The following ADARB2 variants were observed in gnomAD, a reference collection of about 807,000 sequenced individuals.
The protein encoded by ADARB2 is adenosine deaminase RNA specific B2 (inactive), also known as inactive double-stranded RNA-specific editase B2.
Under a neutral mutation model 62.2 loss-of-function variants are expected in ADARB2, and 25 were observed. That is an observed-to-expected ratio of 0.40 (90% confidence interval 0.29 to 0.56). The LOEUF (loss-of-function observed/expected upper bound fraction) is 0.56, where lower values mean the gene tolerates loss of function less well. Ranked by LOEUF, ADARB2 falls within the 20% of genes least tolerant of loss-of-function variation. The pLI, the probability that ADARB2 is intolerant of heterozygous loss-of-function variation, is 0.43. For missense variants in ADARB2, 1,071 were observed against 1,077.4 expected (o/e 0.99, Z 0.08); for synonymous variants, 572 against 500.8 (o/e 1.14, Z -1.90).
At chr10:1,670,719 C>T (rs937729052) in intron 1 of ADARB2, among the ~76,000 whole-genome samples, 15 of 152,190 alleles carry the variant, frequency 9.9e-5, no homozygotes, top group African/African-American at 3.1e-4. Flanking sequence ...GACTTAAACA[C>T]GTCACGGAGG....
At chr10:1,323,381 G>A (rs1275503442) in intron 3 of ADARB2, among the ~76,000 whole-genome samples, 2 of 151,894 alleles carry the variant, frequency 1.3e-5, no homozygotes, top group Admixed American at 1.3e-4. Flanking sequence ...TGAAATAGAA[G>A]AAATGTCAAT....
At chr10:1,545,410 C>T (rs1588296321) in intron 1 of ADARB2, among the ~76,000 whole-genome samples, 1 of 152,158 alleles carries the variant, frequency 6.6e-6, no homozygotes, top group South Asian at 2.1e-4. Flanking sequence ...ACCATAGATT[C>T]TCTGGGATAT....
intron 7 of ADARB2, among the ~76,000 whole-genome samples, chr10:1,205,108 C>T (rs1461921762): frequency 2.0e-5 from 3 of 152,134 alleles, no homozygotes; most frequent in African/African-American, 4.8e-5. Context: ...CTCCTGAGTC[C>T]GTGAAGTGGA....
At chr10:1,534,711 A>G (rs1459114576) in intron 1 of ADARB2, 1 of 164,366 alleles carries the variant, frequency 6.1e-6, no homozygotes, top group African/African-American at 2.4e-5. Flanking sequence ...CAGCCCCGTC[A>G]CTGAGAGGGA....
chr10:1,593,539 A>G (rs886620310), intron 1 of ADARB2, among the ~76,000 whole-genome samples: 14 of 152,254 alleles, frequency 9.2e-5, no homozygotes, highest in African/African-American at 3.4e-4. Context: ...ACAATTTTTT[A>G]AAATTTAAAT....
intron 1 of ADARB2, among the ~76,000 whole-genome samples, chr10:1,456,148 G>A (rs528651317): frequency 4.6e-5 from 7 of 152,242 alleles, no homozygotes; most frequent in East Asian, 3.9e-4. Flanking sequence ...TCTTTATCTA[G>A]TTTCACCTAG....
chr10:1,303,684 C>A (rs1831597160), intron 3 of ADARB2, among the ~76,000 whole-genome samples: 2 of 152,148 alleles, frequency 1.3e-5, no homozygotes, highest in Admixed American at 6.5e-5. Flanking sequence ...GATCTCTCGG[C>A]AGAAACCCTA....
intron 3 of ADARB2, among the ~76,000 whole-genome samples, chr10:1,318,241 A>C (rs1831759469): frequency 6.6e-6 from 1 of 152,152 alleles, no homozygotes; most frequent in Non-Finnish European, 1.5e-5. Context: ...GTCACAGGTG[A>C]CGGATCCTGT....
intron 1 of ADARB2, among the ~76,000 whole-genome samples, chr10:1,469,011 C>T (rs1159462739): frequency 2.0e-5 from 3 of 152,208 alleles, no homozygotes; most frequent in African/African-American, 4.8e-5. Flanking sequence ...ATTGCTACCA[C>T]GTGTTCTTTC....
intron 1 of ADARB2, among the ~76,000 whole-genome samples, chr10:1,455,501 A>G (rs1415077885): frequency 6.6e-6 from 1 of 152,204 alleles, no homozygotes; most frequent in African/African-American, 2.4e-5. Context: ...AAGATTAAAA[A>G]GAAAACAATT....
chr10:1,396,382 T>C (rs1832613643), intron 1 of ADARB2, among the ~76,000 whole-genome samples: 1 of 152,152 alleles, frequency 6.6e-6, no homozygotes, highest in Admixed American at 6.5e-5. Context: ...TCTGGTGAGT[T>C]TGGGCTATTT....
intron 1 of ADARB2, among the ~76,000 whole-genome samples, chr10:1,645,408 C>T (rs1269304003): frequency 6.6e-6 from 1 of 152,192 alleles, no homozygotes; most frequent in Non-Finnish European, 1.5e-5. Flanking sequence ...CTATGGAACT[C>T]CCACTGCCCC....
intron 6 of ADARB2, among the ~76,000 whole-genome samples, chr10:1,223,027 A>G (rs1038835310): frequency 2.8e-4 from 43 of 152,082 alleles, no homozygotes; most frequent in African/African-American, 1.0e-3. Flanking sequence ...TTTTCACGAT[A>G]TTGATTCTTC....
At chr10:1,652,428 A>C (rs1834122381) in intron 1 of ADARB2, among the ~76,000 whole-genome samples, 1 of 152,032 alleles carries the variant, frequency 6.6e-6, no homozygotes, top group African/African-American at 2.4e-5. Flanking sequence ...TCCTCCCGGG[A>C]GCATCCCACT....
chr10:1,207,587 A>G (rs1161998226), intron 7 of ADARB2, among the ~76,000 whole-genome samples: 2 of 152,300 alleles, frequency 1.3e-5, no homozygotes, highest in Admixed American at 1.3e-4. Flanking sequence ...TTGAGGGAAC[A>G]TTGAGCAGCT....
chr10:1,372,238 C>T (rs1832378868), intron 2 of ADARB2, among the ~76,000 whole-genome samples: 1 of 152,186 alleles, frequency 6.6e-6, no homozygotes, highest in Non-Finnish European at 1.5e-5. Flanking sequence ...CATGTTCTCA[C>T]TTATGAGTGG....
chr10:1,649,063 G>A (rs1485374213), intron 1 of ADARB2, among the ~76,000 whole-genome samples: 1 of 152,222 alleles, frequency 6.6e-6, no homozygotes, highest in Non-Finnish European at 1.5e-5. Context: ...GGATGCTCCG[G>A]TGAAGCTCAG....
chr10:1,211,964 C>T (rs1472092251), intron 7 of ADARB2, among the ~76,000 whole-genome samples: 1 of 152,212 alleles, frequency 6.6e-6, no homozygotes, highest in Non-Finnish European at 1.5e-5. Flanking sequence ...GCACATCTCA[C>T]CATGGCCCTC....
chr10:1,540,059 G>A (rs964230643), intron 1 of ADARB2, among the ~76,000 whole-genome samples: 1 of 152,132 alleles, frequency 6.6e-6, no homozygotes, highest in African/African-American at 2.4e-5. Context: ...AGGTGTAAGA[G>A]ACAGTTTGGA....
Sources: gnomAD v4.1 joint callset for allele counts (sites outside exome capture counted in the v4.1 genomes callset) on GRCh38, gnomAD v4.1.1 for gene constraint, MANE v1.5 for transcripts, NCBI Gene and HGNC (gene_info 2026-07-23, HGNC 2026-07-21) for gene names.